CADM2: variants seen among roughly 807,000 people sequenced by gnomAD.
The protein encoded by CADM2 is cell adhesion molecule 2.
In CADM2, 12 loss-of-function variants were observed where a neutral mutation model predicts 49.8. The ratio of observed to expected loss-of-function variants is 0.24; its 90% CI spans 0.15 to 0.39. The LOEUF is 0.39. CADM2 is among the 10% of genes least tolerant of loss of function. The pLI, the probability that CADM2 is intolerant of heterozygous loss-of-function variation, is 1.00. For synonymous variants in CADM2, 214 were observed against 175.4 expected (o/e 1.22, Z -1.74); for missense variants, 378 against 492.3 (o/e 0.77, Z 2.20).
chr3:85,076,801 A>G (rs890690916), intron 1 of CADM2, among the ~76,000 whole-genome samples: 2 of 151,998 alleles, frequency 1.3e-5, no homozygotes, highest in Admixed American at 1.3e-4. Context: ...GTTAAACTCC[A>G]TCTGTACTAA....
intron 1 of CADM2, among the ~76,000 whole-genome samples, chr3:85,307,267 C>CAAA: frequency 6.6e-6 from 1 of 151,550 alleles, no homozygotes; most frequent in South Asian, 2.1e-4. Flanking sequence ...TATGCTTGGT[C>CAAA]ATATTCTTAA....
chr3:85,235,721 T>C (rs2042393703), intron 1 of CADM2, among the ~76,000 whole-genome samples: 1 of 152,134 alleles, frequency 6.6e-6, no homozygotes, highest in Admixed American at 6.6e-5. Flanking sequence ...ATAAGATCTA[T>C]CTCTAAGGTT....
intron 2 of CADM2, among the ~76,000 whole-genome samples, chr3:85,753,694 G>A (rs150138271): frequency 3.1e-4 from 47 of 152,222 alleles, no homozygotes; most frequent in Admixed American, 8.5e-4. Context: ...ACTAGAACAG[G>A]TGAGTACAAA....
At chr3:86,019,053 T>C (rs1273674416) in intron 8 of CADM2, among the ~76,000 whole-genome samples, 1 of 81,020 alleles carries the variant, frequency 1.2e-5, no homozygotes, top group Non-Finnish European at 2.5e-5. Flanking sequence ...TTGATTTTTG[T>C]ATAAGGTGTA....
chr3:85,718,562 G>A (rs1460053017), intron 1 of CADM2, among the ~76,000 whole-genome samples: 1 of 152,012 alleles, frequency 6.6e-6, no homozygotes, highest in Admixed American at 6.6e-5. Flanking sequence ...TTAAAAATTG[G>A]TACTGACTCA....
At chr3:85,015,986 G>T (rs949162472) in intron 1 of CADM2, among the ~76,000 whole-genome samples, 2 of 152,146 alleles carry the variant, frequency 1.3e-5, no homozygotes, top group African/African-American at 4.8e-5. Context: ...TTAAATACTA[G>T]TTTGAGGACT....
At chr3:85,293,943 A>G (rs2043877093) in intron 1 of CADM2, among the ~76,000 whole-genome samples, 3 of 152,082 alleles carry the variant, frequency 2.0e-5, no homozygotes, top group Admixed American at 2.0e-4. Context: ...GGCCAGGGCA[A>G]TTAGGCAGGA....
intron 1 of CADM2, among the ~76,000 whole-genome samples, chr3:85,664,375 GT>G (rs2065500162): frequency 6.6e-6 from 1 of 151,898 alleles, no homozygotes; most frequent in South Asian, 2.1e-4. Context: ...CCCAAAATGT[GT>G]TTCTTTCAAA....
intron 6 of CADM2, among the ~76,000 whole-genome samples, chr3:85,922,006 AGTACT>A (rs560520475): frequency 6.6e-6 from 1 of 152,044 alleles, no homozygotes; most frequent in Non-Finnish European, 1.5e-5. Flanking sequence ...TACTGTTTTG[AGTACT>A]GTAGTTTGAT....
intron 1 of CADM2, among the ~76,000 whole-genome samples, chr3:84,975,934 G>A (rs558106105): frequency 6.3e-4 from 95 of 151,902 alleles, no homozygotes; most frequent in South Asian, 2.9e-3. Context: ...TTAGAATGGG[G>A]GCTCTGCTTA....
At chr3:85,373,992 T>C (rs1345722337) in intron 1 of CADM2, among the ~76,000 whole-genome samples, 3 of 152,148 alleles carry the variant, frequency 2.0e-5, no homozygotes, top group African/African-American at 7.2e-5. Context: ...TGTAGACATT[T>C]TCCCCATTAC....
At chr3:85,286,276 C>T (rs920904975) in intron 1 of CADM2, among the ~76,000 whole-genome samples, 12 of 152,096 alleles carry the variant, frequency 7.9e-5, no homozygotes, top group African/African-American at 2.9e-4. Flanking sequence ...ACTTTAGTTC[C>T]TATTTTATTT....
At chr3:85,003,035 A>G (rs1004497708) in intron 1 of CADM2, among the ~76,000 whole-genome samples, 4 of 152,072 alleles carry the variant, frequency 2.6e-5, no homozygotes, top group African/African-American at 7.2e-5. Context: ...GCCTCAAGCA[A>G]TCCTTCTGCC....
chr3:85,972,070 G>A (rs1284397044), intron 8 of CADM2, among the ~76,000 whole-genome samples: 2 of 151,604 alleles, frequency 1.3e-5, no homozygotes, highest in African/African-American at 4.8e-5. Flanking sequence ...GCGTGTACTG[G>A]TGAGTTGGGA....
chr3:85,998,294 A>G (rs894239869), intron 8 of CADM2, among the ~76,000 whole-genome samples: 1 of 152,128 alleles, frequency 6.6e-6, no homozygotes, highest in Non-Finnish European at 1.5e-5. Flanking sequence ...TCTGTAGTTA[A>G]TTTTCTAAAT....
At chr3:85,601,431 G>T (rs762968146) in intron 1 of CADM2, among the ~76,000 whole-genome samples, 1 of 150,604 alleles carries the variant, frequency 6.6e-6, no homozygotes, top group Non-Finnish European at 1.5e-5. Context: ...TTAACTCAAT[G>T]AACTACTGTT....
intron 3 of CADM2, among the ~76,000 whole-genome samples, chr3:85,855,875 C>T (rs919323810): frequency 2.6e-5 from 4 of 151,886 alleles, no homozygotes; most frequent in Admixed American, 6.6e-5. Context: ...ATCAGCCTGC[C>T]TCGGCCTCCG....
chr3:85,688,564 CT>C (rs71112107), intron 1 of CADM2, among the ~76,000 whole-genome samples: 124 of 135,496 alleles, frequency 9.2e-4, no homozygotes, highest in East Asian at 4.9e-3. Context: ...TTTATTTATT[CT>C]TTTTTTTTTT....
chr3:84,967,736 A>T (rs2031111395), intron 1 of CADM2, among the ~76,000 whole-genome samples: 1 of 152,106 alleles, frequency 6.6e-6, no homozygotes, highest in Admixed American at 6.6e-5. Flanking sequence ...ATATGTACAG[A>T]ATATGTACAG....
Sources: gnomAD v4.1 joint callset for allele counts (sites outside exome capture counted in the v4.1 genomes callset) on GRCh38, gnomAD v4.1.1 for gene constraint, MANE v1.5 for transcripts, NCBI Gene and HGNC (gene_info 2026-07-23, HGNC 2026-07-21) for gene names.